GON4L: variants seen among roughly 807,000 people sequenced by gnomAD.
GON4L encodes the protein GON-4-like protein.
A neutral mutation model predicts 211.8 loss-of-function variants in GON4L; 87 were observed. The observed-to-expected ratio is 0.41, with a 90% CI of 0.35 to 0.49. GON4L has a LOEUF of 0.49. Ranked by LOEUF, GON4L falls within the 20% of genes least tolerant of loss-of-function variation. GON4L has a pLI of 0.15. For missense variants in GON4L, 2,155 were observed against 2,659.5 expected, an observed-to-expected ratio of 0.81 and a Z score of 4.17; for synonymous variants, 875 against 962.6, an observed-to-expected ratio of 0.91 and a Z score of 1.68.
intron 14 of GON4L, among the ~76,000 whole-genome samples, chr1:155,780,346 A>G (rs1286206732): frequency 1.3e-5 from 2 of 151,556 alleles, no homozygotes; most frequent in Non-Finnish European, 2.9e-5. Context: ...AATGCCAGCA[A>G]TTTGGGAGGC....
At chr1:155,842,018 A>G (rs1670812428) in intron 2 of GON4L, among the ~76,000 whole-genome samples, 1 of 150,672 alleles carries the variant, frequency 6.6e-6, no homozygotes, top group Admixed American at 6.6e-5. Context: ...ACAGAGCAAG[A>G]CTCCGTCTCA....
intron 4 of GON4L, 96 bp downstream of exon 4, chr1:155,822,190 T>C: frequency 2.0e-6 from 2 of 1,007,760 alleles, no homozygotes; most frequent in Admixed American, 3.4e-5. Flanking sequence ...AAATCGGTAA[T>C]TCACGTATCA....
At chr1:155,833,738 G>GGAAGGAGA (rs1670021326) in intron 2 of GON4L, among the ~76,000 whole-genome samples, 1 of 66,422 alleles carries the variant, frequency 1.5e-5, no homozygotes, top group Admixed American at 2.4e-4. Context: ...GGGAGGAGAG[G>GGAAGGAGA]GGAGGAGAGG....
intron 14 of GON4L, among the ~76,000 whole-genome samples, chr1:155,778,200 C>G (rs1451952433): frequency 1.3e-5 from 2 of 152,024 alleles, no homozygotes; most frequent in African/African-American, 4.8e-5. Flanking sequence ...CCAGGTTCAG[C>G]TTGTCCCATT....
Position 155,815,529 on chromosome 1 carries a change from A to G in GON4L, c.1161+276T>C, listed in dbSNP as rs76099124. Among the ~76,000 whole-genome samples the G allele has an allele frequency of 2.9e-3, 448 of 152,228 alleles. 1 individual carries two copies. Among genetic ancestry groups the G allele is most frequent in the Non-Finnish European group, 5.1e-3 (344 of 68,006 alleles). On this transcript the variant is annotated intron_variant, in intron 8 of 31. Transcript: ENST00000368331. ...AGGGTATACAGGGGTTGTCCTAGTA[A>G]TGATATATTTCTTGACTTTGCTATG...
downstream of GON4L, chr1:155,748,714 G>C: frequency 1.2e-6 from 2 of 1,614,132 alleles, no homozygotes; most frequent in Non-Finnish European, 1.7e-6. Flanking sequence ...CTGTCTGCAT[G>C]TGGGGAGCCT....
At chr1:155,754,124 C>A in intron 28 of GON4L, 1 of 528,296 alleles carries the variant, frequency 1.9e-6, no homozygotes, top group Non-Finnish European at 3.4e-6. Context: ...TTTCTAATAT[C>A]TGAGGGAAAT....
chr1:155,756,515 CCT>C, intron 27 of GON4L: 1 of 177,070 alleles, frequency 5.6e-6, no homozygotes, highest in South Asian at 1.3e-4. Flanking sequence ...CGTCTCAGAT[CCT>C]AGAGCCTTTG....
chr1:155,785,923 C>T (rs1021269221), intron 12 of GON4L, among the ~76,000 whole-genome samples: 3 of 152,172 alleles, frequency 2.0e-5, no homozygotes, highest in East Asian at 1.9e-4. Flanking sequence ...GGTGAAACCC[C>T]GTCTCTATTA....
At chr1:155,807,091 CAAAAAAAAAA>C (rs5777956) in intron 10 of GON4L, among the ~76,000 whole-genome samples, 1 of 119,478 alleles carries the variant, frequency 8.4e-6, no homozygotes, top group South Asian at 2.6e-4. Context: ...AGAGACATCT[CAAAAAAAAAA>C]AAAAAACAGG....
intron 9 of GON4L, 109 bp downstream of exon 9, chr1:155,814,221 A>G (rs1278097879): frequency 1.4e-5 from 15 of 1,107,176 alleles, no homozygotes; most frequent in Non-Finnish European, 2.0e-5. Context: ...AGAAACTTTG[A>G]AAAAGGGTGA....
At chr1:155,851,855 G>A (rs1218546175) in intron 2 of GON4L, among the ~76,000 whole-genome samples, 1 of 151,480 alleles carries the variant, frequency 6.6e-6, no homozygotes, top group Non-Finnish European at 1.5e-5. Context: ...CACAACCTTA[G>A]TACAATCTAC....
In GON4L at chr1:155,807,296, A is replaced by C. The variant is rs148976416; in HGVS notation, c.1453-2155T>G. On this transcript the variant is annotated intron_variant, in intron 10 of 31. Coordinates refer to ENST00000368331, the MANE Select transcript of GON4L (RefSeq NM_001282860.2). ...ATGCCTGTAGTTCCAGCTATGCAAG[A>C]GCCAACGTGGGAGGATCACTTGAAC... 3.8e-3 allele frequency among the ~76,000 whole-genome samples: 582 copies of C among 152,162 alleles called. 5 individuals carry two copies. The highest frequency in any genetic ancestry group is 0.013 in the African/African-American group (558 of 41,520).
chr1:155,764,976 T>C (rs1316618653), intron 21 of GON4L, 24 bp downstream of exon 21: 2 of 1,613,972 alleles, frequency 1.2e-6, no homozygotes, highest in African/African-American at 2.7e-5. Context: ...CACGAAATAC[T>C]TGAGAATATT....
At chr1:155,814,582 C>T in intron 8 of GON4L, 133 bp from the exon 9 acceptor site, 1 of 904,710 alleles carries the variant, frequency 1.1e-6, no homozygotes. Context: ...CCCGTCTCTG[C>T]TAAAAATACA....
At chr1:155,794,461 C>T (rs2101988005) in intron 12 of GON4L, among the ~76,000 whole-genome samples, 1 of 152,314 alleles carries the variant, frequency 6.6e-6, no homozygotes. Flanking sequence ...CACTCATACA[C>T]CACCACCAAA....
chr1:155,811,391 CAAAAAAAAAAAAAA>C (rs777417019), intron 10 of GON4L, among the ~76,000 whole-genome samples: 1 of 33,170 alleles, frequency 3.0e-5, no homozygotes, highest in Non-Finnish European at 4.5e-5. Flanking sequence ...GACTCCGTCT[CAAAAAAAAAAAAAA>C]AAAAAAAAAA....
intron 11 of GON4L, 134 bp from the exon 12 acceptor site, chr1:155,795,285 G>C: frequency 1.5e-6 from 1 of 669,374 alleles, no homozygotes; most frequent in East Asian, 2.9e-5. Flanking sequence ...GGAGTGCAGT[G>C]GTACAGCCTC....
At position 155,813,670 on chromosome 1, in the gene GON4L, C is replaced by T; in HGVS notation, c.1416G>A (p.Glu472=). 6.2e-7 allele frequency: 1 copy of T among 1,613,598 alleles called. No individual in the cohort carries two copies. The highest frequency in any genetic ancestry group is 8.5e-7 in the Non-Finnish European group (1 of 1,179,522). ...CCATGCAGACTGGACTGGAAGCCAG[C>T]TCCTCATCTACCGCATGTAACTTCT... ...FMEKLHAVDE[E]LASSPVCMDS... The change falls in exon 10 of 32, where the codon GAG becomes GAA. Residue 472 remains glutamate (E), a synonymous_variant. Coordinates refer to ENST00000368331, the MANE Select transcript of GON4L (RefSeq NM_001282860.2).
Sources: allele counts gnomAD v4.1 joint callset (sites outside exome capture counted in the v4.1 genomes callset), GRCh38; gene constraint gnomAD v4.1.1; transcripts MANE v1.5; gene names NCBI Gene and HGNC (gene_info 2026-07-23, HGNC 2026-07-21).